The following CECR2 variants were observed in gnomAD, a reference collection of about 807,000 sequenced individuals.
The protein encoded by CECR2 is chromatin remodeling regulator CECR2.
CECR2 carries 30 observed loss-of-function variants against 154.5 expected under a neutral mutation model. The ratio of observed to expected loss-of-function variants is 0.19; its 90% CI spans 0.15 to 0.26. The LOEUF (loss-of-function observed/expected upper bound fraction) is 0.26, where lower values mean the gene tolerates loss of function less well. CECR2 is among the 10% of genes least tolerant of loss of function. The probability of loss-of-function intolerance (pLI) is 1.00; values close to 1 mark genes in which losing one functional copy is unlikely to be tolerated. For missense variants in CECR2, 1,743 were observed against 1,829.3 expected, an observed-to-expected ratio of 0.95 and a Z score of 0.86; for synonymous variants, 725 against 683.7, an observed-to-expected ratio of 1.06 and a Z score of -0.94.
intron 8 of CECR2, among the ~76,000 whole-genome samples, chr22:17,517,985 G>T (rs1183614522): frequency 6.6e-6 from 1 of 151,758 alleles, no homozygotes; most frequent in African/African-American, 2.4e-5. Flanking sequence ...TTACTCACTG[G>T]CCCAGTTAAG....
At chr22:17,440,452 T>G (rs1601360657) in intron 1 of CECR2, among the ~76,000 whole-genome samples, 5 of 152,284 alleles carry the variant, frequency 3.3e-5, no homozygotes, top group African/African-American at 1.2e-4. Flanking sequence ...ATAAAAACTT[T>G]ATGGAAAAGA....
chr22:17,517,171 C>G (rs1279545336), intron 8 of CECR2, among the ~76,000 whole-genome samples: 1 of 152,260 alleles, frequency 6.6e-6, no homozygotes, highest in African/African-American at 2.4e-5. Flanking sequence ...GCCACCGCGC[C>G]TGGCCAAGAT....
chr22:17,404,595 G>A (rs559521543), intron 1 of CECR2, among the ~76,000 whole-genome samples: 6 of 132,252 alleles, frequency 4.5e-5, no homozygotes, highest in South Asian at 2.2e-4. Context: ...GGATGGTCTC[G>A]ATCTCCTGAC....
intron 9 of CECR2, among the ~76,000 whole-genome samples, chr22:17,536,500 C>G (rs1189859608): frequency 6.6e-6 from 1 of 152,208 alleles, no homozygotes; most frequent in Non-Finnish European, 1.5e-5. Context: ...TTGCCAATCC[C>G]AGCTGGCATC....
intron 1 of CECR2, among the ~76,000 whole-genome samples, chr22:17,408,803 T>C (rs2054023538): frequency 6.6e-6 from 1 of 152,250 alleles, no homozygotes; most frequent in South Asian, 2.1e-4. Context: ...GCATAGTATC[T>C]TTCTCTCTTC....
intron 1 of CECR2, among the ~76,000 whole-genome samples, chr22:17,363,581 G>T (rs756602539): frequency 5.9e-5 from 9 of 152,116 alleles, no homozygotes; most frequent in Non-Finnish European, 1.3e-4. Flanking sequence ...GACCTCAGGT[G>T]ATCTGCCTGC....
Position 17,556,613 on chromosome 22 carries a change from G to A in CECR2, c.*3773G>A, listed in dbSNP as rs1023673565. On this transcript the variant is annotated 3_prime_UTR_variant, in exon 19 of 19. Transcript: ENST00000262608. ...TCTGTAAATACTACACTGCTCTTAA[G>A]ACCTGATTTGAAATTTCACAGGAAG... is the stretch of plus-strand genomic sequence containing the variant. The A allele has an allele frequency of 6.6e-6, 1 of 151,882 alleles. No individual in the cohort carries two copies. The highest frequency in any genetic ancestry group is 2.1e-4 in the South Asian group (1 of 4,812). The allele number at this position is 151,882 out of a possible 1,614,324, so 9.4% of individuals were successfully genotyped here. A position where few individuals can be genotyped will look rare whatever the true frequency, so the allele number is the denominator to read the frequency against.
intron 1 of CECR2, chr22:17,419,907 A>C (rs537663262): frequency 4.5e-6 from 1 of 220,434 alleles, no homozygotes; most frequent in East Asian, 1.2e-4. Context: ...GTGGTTAAAA[A>C]AAATTGTGAC....
At chr22:17,511,315 C>T (rs2055947345) in intron 7 of CECR2, among the ~76,000 whole-genome samples, 1 of 152,156 alleles carries the variant, frequency 6.6e-6, no homozygotes, top group African/African-American at 2.4e-5. Flanking sequence ...GCACTCACCG[C>T]ATTCTGCTCG....
intron 9 of CECR2, among the ~76,000 whole-genome samples, chr22:17,527,272 A>G (rs183664419): frequency 1.8e-3 from 279 of 152,180 alleles, no homozygotes; most frequent in African/African-American, 6.2e-3. Flanking sequence ...AGCCTCGGCA[A>G]CACGGTAAAA....
chr22:17,442,435 G>A (rs751005480), intron 1 of CECR2, among the ~76,000 whole-genome samples: 3 of 152,188 alleles, frequency 2.0e-5, no homozygotes, highest in South Asian at 4.1e-4. Context: ...TTAGTTGGGC[G>A]TAGTTGATGC....
intron 1 of CECR2, among the ~76,000 whole-genome samples, chr22:17,396,472 G>T (rs561737330): frequency 1.3e-5 from 2 of 152,184 alleles, no homozygotes; most frequent in East Asian, 1.9e-4. Context: ...GCTTGAACCC[G>T]GGAGGCGGAG....
chr22:17,536,697 G>T (rs951364452), intron 9 of CECR2, among the ~76,000 whole-genome samples: 6 of 152,198 alleles, frequency 3.9e-5, no homozygotes, highest in Non-Finnish European at 2.9e-5. Flanking sequence ...AGGATTTGCG[G>T]ATGTTGCTTT....
rs1464226231 is a variant in CECR2 at position 17,499,493 on chromosome 22, A to T, written c.489A>T (p.Arg163=). The change falls in exon 4 of 19, where the codon CGA becomes CGT. Residue 163 remains arginine (R), a synonymous_variant. Coordinates refer to ENST00000262608, the MANE Select transcript of CECR2 (RefSeq NM_001290047.2). ...GALYWYFYGT[R]MYKEDPVQGK... The stretch of plus-strand genomic sequence containing the variant: ...TATATTGGTATTTCTATGGAACACG[A>T]ATGTACAAAGAGGACCCGGTGCAAG... 6.2e-7 allele frequency: 1 copy of T among 1,613,880 alleles called. No individual in the cohort carries two copies. Among genetic ancestry groups the T allele is most frequent in the South Asian group, 1.1e-5 (1 of 91,054 alleles).
rs543619535 is a variant in CECR2, at chr22:17,396,537, C to T, written c.126+26628C>T. Among the ~76,000 whole-genome samples the T allele has an allele frequency of 2.0e-5, 3 of 151,878 alleles. No homozygotes were observed. In the South Asian group the frequency reaches 6.2e-4, roughly 31 times the overall value. On this transcript the variant is annotated intron_variant, in intron 1 of 18. Coordinates refer to ENST00000262608, the MANE Select transcript of CECR2 (RefSeq NM_001290047.2). ...ACTCCAGCCTGGCGACAGAGCGAGA[C>T]TCTTGTCTCAAAAAACAAACAAACT...
chr22:17,438,614 A>G (rs927961347), intron 1 of CECR2, among the ~76,000 whole-genome samples: 2 of 146,510 alleles, frequency 1.4e-5, no homozygotes, highest in Admixed American at 6.6e-5. Context: ...TTAAAACATT[A>G]TGAGATTTTT....
chr22:17,438,391 G>A (rs2054536623), intron 1 of CECR2, among the ~76,000 whole-genome samples: 1 of 152,142 alleles, frequency 6.6e-6, no homozygotes, highest in African/African-American at 2.4e-5. Flanking sequence ...GAGACTTGTC[G>A]ACTGACAAGT....
rs2053758626 is a variant in CECR2, at chr22:17,393,308, A to T, written c.126+23399A>T. Among the ~76,000 whole-genome samples the T allele has an allele frequency of 2.6e-5, 4 of 152,138 alleles. No individual in the cohort carries two copies. The South Asian group carries it at 8.3e-4, about 32-fold the overall frequency. On this transcript the variant is annotated intron_variant, in intron 1 of 18. Transcript: ENST00000262608. ...TGTGATTGGATTTTTCATTTAGCAT[A>T]ATGTTTTTAGGTTTCATCCAAGTTG...
chr22:17,491,587 G>GT (rs1555917501), intron 2 of CECR2, among the ~76,000 whole-genome samples: 4 of 120,334 alleles, frequency 3.3e-5, no homozygotes, highest in Admixed American at 9.9e-5. Flanking sequence ...GTGTGTGGGG[G>GT]GGTGGGTGTT....
Sources: allele counts gnomAD v4.1 joint callset (sites outside exome capture counted in the v4.1 genomes callset), GRCh38; gene constraint gnomAD v4.1.1; transcripts MANE v1.5; gene names NCBI Gene and HGNC (gene_info 2026-07-23, HGNC 2026-07-21).